The following PRKAR1A variants were observed in gnomAD, a reference collection of about 807,000 sequenced individuals.
PRKAR1A encodes cAMP-dependent protein kinase type I-alpha regulatory subunit.
PRKAR1A carries 3 observed loss-of-function variants against 52.0 expected under a neutral mutation model. The ratio of observed to expected loss-of-function variants is 0.06; its 90% confidence interval spans 0.03 to 0.15. The LOEUF (loss-of-function observed/expected upper bound fraction) is 0.15, where lower values mean the gene tolerates loss of function less well. Among genes scored for constraint, PRKAR1A ranks in the 10% least tolerant of loss-of-function variants. PRKAR1A has a pLI of 1.00. For synonymous variants in PRKAR1A, 188 were observed against 168.4 expected, an observed-to-expected ratio of 1.12 and a Z score of -0.90; for missense variants, 240 against 477.4, an observed-to-expected ratio of 0.50 and a Z score of 4.63.
At chr17:68,530,112 C>A (rs2085927531) in intron 10 of PRKAR1A, 111 bp downstream of exon 10, 2 of 1,482,954 alleles carry the variant, frequency 1.3e-6, no homozygotes, top group Non-Finnish European at 9.4e-7. Flanking sequence ...TTTCTAACTG[C>A]AGTCTTTTTT....
the PRKAR1A span, among the ~76,000 whole-genome samples, chr17:68,419,803 A>AAAC: frequency 6.6e-6 from 1 of 151,020 alleles, no homozygotes; most frequent in African/African-American, 2.4e-5. Context: ...CTGGAAAAAA[A>AAAC]AAAAAAAAGT....
chr17:68,484,795 G>T, the PRKAR1A span, among the ~76,000 whole-genome samples: 5 of 152,214 alleles, frequency 3.3e-5, no homozygotes, highest in Non-Finnish European at 7.3e-5. Flanking sequence ...GAGAAAGCAA[G>T]TGAGGGTGAA....
the PRKAR1A span, among the ~76,000 whole-genome samples, chr17:68,437,016 A>ATGTGTGTGTGTGTGTGTGTGTGTGTGTG: frequency 6.2e-5 from 9 of 144,662 alleles, no homozygotes; most frequent in East Asian, 8.0e-4. Flanking sequence ...ATATATATAT[A>ATGTGTGTGTGTGTGTGTGTGTGTGTGTG]TGTGTGTGTG....
At chr17:68,468,982 CT>C in the PRKAR1A span, among the ~76,000 whole-genome samples, 1 of 152,138 alleles carries the variant, frequency 6.6e-6, no homozygotes, top group Non-Finnish European at 1.5e-5. Context: ...CTTGTCTGAC[CT>C]TATACTCTGG....
At chr17:68,501,631 T>C in the PRKAR1A span, among the ~76,000 whole-genome samples, 1 of 152,172 alleles carries the variant, frequency 6.6e-6, no homozygotes, top group South Asian at 2.1e-4. Context: ...AATTTTTAAA[T>C]TTTTTTGTAG....
the PRKAR1A span, among the ~76,000 whole-genome samples, chr17:68,489,234 AGT>A: frequency 2.9e-4 from 6 of 20,594 alleles, no homozygotes; most frequent in Non-Finnish European, 3.9e-4. Context: ...ATATATGGAA[AGT>A]ATATATATAT....
At chr17:68,471,451 G>T in the PRKAR1A span, among the ~76,000 whole-genome samples, 4 of 152,314 alleles carry the variant, frequency 2.6e-5, no homozygotes, top group East Asian at 5.8e-4. Flanking sequence ...CATAGACCTT[G>T]ATGTGTGGTA....
the PRKAR1A span, among the ~76,000 whole-genome samples, chr17:68,476,423 A>C: frequency 6.6e-6 from 1 of 152,176 alleles, no homozygotes; most frequent in Non-Finnish European, 1.5e-5. Flanking sequence ...TTTTAGAAAT[A>C]GATAATATAT....
chr17:68,525,642 G>A lies in PRKAR1A; in HGVS notation c.550-112G>A, dbSNP rs533130503. On this transcript the variant is annotated intron_variant, in intron 6 of 10. Coordinates refer to ENST00000589228, the MANE Select transcript of PRKAR1A (RefSeq NM_002734.5). ...GTGTACTGCAAACATAATATATTCTGTTTTTTAAAACAAAGTTCAGGATTG... is the reference window on the plus strand; with the variant it reads ...GTGTACTGCAAACATAATATATTCTATTTTTTAAAACAAAGTTCAGGATTG... The A allele has an allele frequency of 4.1e-6, 5 of 1,219,064 alleles. No homozygotes were observed. The Admixed American group carries it at 8.8e-5, about 21-fold the overall frequency. 75.5% of individuals were successfully genotyped at this position (1,219,064 alleles called of 1,614,324 possible).
chr17:68,489,616 T>A, the PRKAR1A span, among the ~76,000 whole-genome samples: 38 of 151,588 alleles, frequency 2.5e-4, no homozygotes, highest in Non-Finnish European at 2.7e-4. Flanking sequence ...AGTGGTGCAA[T>A]CTCAGCTCAC....
chr17:68,445,542 C>T, the PRKAR1A span, among the ~76,000 whole-genome samples: 25,141 of 152,182 alleles, frequency 0.17, 2,171 homozygotes, highest in South Asian at 0.26. Flanking sequence ...CACGTCCCCA[C>T]TGTTCCTTCC....
At chr17:68,445,714 T>C in the PRKAR1A span, among the ~76,000 whole-genome samples, 46 of 152,310 alleles carry the variant, frequency 3.0e-4, no homozygotes, top group Middle Eastern at 3.4e-3. Flanking sequence ...TAAAGGAATA[T>C]AACGCATAGC....
chr17:68,445,814 G>A, the PRKAR1A span, among the ~76,000 whole-genome samples: 1 of 152,194 alleles, frequency 6.6e-6, no homozygotes, highest in African/African-American at 2.4e-5. Flanking sequence ...AGCAGCTGCC[G>A]ACCACCCCTG....
the PRKAR1A span, chr17:68,457,391 C>T: frequency 1.4e-5 from 22 of 1,535,454 alleles, no homozygotes; most frequent in African/African-American, 3.0e-4. Flanking sequence ...TCAACCCCGC[C>T]CGGGGGAGCG....
intron 11 of PRKAR1A, chr17:68,539,945 T>TA (rs1230796395): frequency 6.2e-7 from 1 of 1,613,934 alleles, no homozygotes; most frequent in Non-Finnish European, 8.5e-7. Context: ...GAACATCTCA[T>TA]AATGGTGCCG....
At chr17:68,434,939 C>T in the PRKAR1A span, among the ~76,000 whole-genome samples, 5 of 152,130 alleles carry the variant, frequency 3.3e-5, no homozygotes, top group Admixed American at 1.3e-4. Context: ...TGGTGGCTCA[C>T]GCCTGTAATC....
chr17:68,481,683 C>T, the PRKAR1A span, among the ~76,000 whole-genome samples: 1 of 152,206 alleles, frequency 6.6e-6, no homozygotes, highest in African/African-American at 2.4e-5. Context: ...TTATCATAGT[C>T]TTCCATCTTT....
rs2085914505 is a variant in PRKAR1A at position 68,529,866 on chromosome 17, C to CTCAA, written c.892-54_892-53insTCAA. 3 of 1,546,792 alleles carry CTCAA rather than the reference C, an allele frequency of 1.9e-6. No homozygotes were observed. The African/African-American group carries it at 4.1e-5, about 21-fold the overall frequency. ...AAATTGCATAGGATGTTTAAGGTGC[C>CTCAA]ACCCTGGGTTTGAGAGTGTGTGTTT... On this transcript the variant is annotated intron_variant, in intron 9 of 10. Coordinates refer to ENST00000589228, the MANE Select transcript of PRKAR1A (RefSeq NM_002734.5).
intron 6 of PRKAR1A, among the ~76,000 whole-genome samples, chr17:68,525,459 C>CG (rs1406026913): frequency 6.6e-6 from 1 of 152,172 alleles, no homozygotes; most frequent in Non-Finnish European, 1.5e-5. Context: ...GTGCTCAGCA[C>CG]GGTTCTCTAA....
Sources: gnomAD v4.1 joint callset for allele counts (sites outside exome capture counted in the v4.1 genomes callset) on GRCh38, gnomAD v4.1.1 for gene constraint, MANE v1.5 for transcripts, NCBI Gene and HGNC (gene_info 2026-07-23, HGNC 2026-07-21) for gene names.